Variants in SYNE1 observed in about 807,000 individuals in gnomAD.
SYNE1 encodes nesprin-1.
In SYNE1, 616 loss-of-function variants were observed where a neutral mutation model predicts 1,111.0. The ratio of observed to expected loss-of-function variants is 0.55; its 90% CI spans 0.52 to 0.59. SYNE1 has a LOEUF of 0.59. Among genes scored for constraint, SYNE1 ranks in the 20% least tolerant of loss-of-function variants. The pLI, the probability that SYNE1 is intolerant of heterozygous loss-of-function variation, is 0.00. For synonymous variants in SYNE1, 3,855 were observed against 3,825.8 expected (o/e 1.01, Z -0.28); for missense variants, 10,006 against 10,417.0 (o/e 0.96, Z 1.72).
intron 130 of SYNE1, among the ~76,000 whole-genome samples, chr6:152,172,287 T>C (rs73780617): frequency 0.029 from 4,449 of 152,284 alleles, 172 homozygotes; most frequent in African/African-American, 0.09. Context: ...TTTATAAATA[T>C]ACTAAAATCA....
chr6:152,398,629 T>C lies in SYNE1; in HGVS notation c.7340A>G (p.His2447Arg), dbSNP rs527670014. Residue 2447 changes from histidine to arginine, a missense_variant, in exon 49 of 146, where the codon CAT (histidine) becomes CGT (arginine). His to Arg is a conservative substitution (Grantham distance 29). Coordinates refer to ENST00000367255, the MANE Select transcript of SYNE1 (RefSeq NM_182961.4). ...GDSKVLEAKLHDLQNILDSVS... is the reference protein window; with the variant it reads ...GDSKVLEAKLRDLQNILDSVS... ...TGTCAGCTTCTATACCTGAAGATCA[T>C]GGAGCTTTGCTTCTAGAACTTTGCT... is the stretch of plus-strand genomic sequence containing the variant. 6 of 1,613,646 alleles carry C rather than the reference T, an allele frequency of 3.7e-6. No homozygotes were observed. The South Asian group carries it at 5.5e-5, about 15-fold the overall frequency.
At chr6:152,145,856 C>G in intron 137 of SYNE1, 1 of 368,370 alleles carries the variant, frequency 2.7e-6, no homozygotes, top group Non-Finnish European at 5.3e-6. Flanking sequence ...GGAACCCCAT[C>G]TCTACTAAAA....
chr6:152,253,822 T>G (rs920590269), intron 104 of SYNE1, among the ~76,000 whole-genome samples: 9 of 52,012 alleles, frequency 1.7e-4, no homozygotes, highest in African/African-American at 1.0e-3. Flanking sequence ...GGTTTGGTTT[T>G]TTTTTTTTTT....
rs950339450 is a variant in SYNE1 at position 152,316,723 on chromosome 6, T to G, written c.16710+126A>C. On this transcript the variant is annotated intron_variant, in intron 87 of 145. Coordinates refer to ENST00000367255, the MANE Select transcript of SYNE1 (RefSeq NM_182961.4). ...ACTACTGAACAACTTAGGGGTACCT[T>G]AGCATTCTTTTTATCTGGTAGCTCC... is the stretch of plus-strand genomic sequence containing the variant. The G allele has an allele frequency of 2.3e-5, 24 of 1,050,016 alleles. 1 individual carries two copies. The African/African-American group carries it at 3.2e-4, about 14-fold the overall frequency. The allele number at this position is 1,050,016 out of a possible 1,614,324, so 65.0% of individuals were successfully genotyped here.
chr6:152,409,768 G>A, intron 42 of SYNE1, 59 bp from the exon 43 acceptor site: 1 of 1,568,878 alleles, frequency 6.4e-7, no homozygotes, highest in Non-Finnish European at 8.7e-7. Context: ...AGGGAGAGTT[G>A]CCTGCAATTG....
At chr6:152,584,596 G>T (rs1372279505) in intron 3 of SYNE1, among the ~76,000 whole-genome samples, 1 of 151,866 alleles carries the variant, frequency 6.6e-6, no homozygotes, top group African/African-American at 2.4e-5. Flanking sequence ...TAGAGACGAG[G>T]TCTCGCTACA....
chr6:152,389,394 C>T (rs2097573804), intron 53 of SYNE1, among the ~76,000 whole-genome samples: 1 of 152,100 alleles, frequency 6.6e-6, no homozygotes, highest in Non-Finnish European at 1.5e-5. Context: ...TCTGTTATCC[C>T]CTTCTTTGTA....
In SYNE1 at chr6:152,507,199, T is replaced by G. The variant is rs984714557; in HGVS notation, c.582-1802A>C. 2.0e-5 allele frequency among the ~76,000 whole-genome samples: 3 copies of G among 152,200 alleles called. 1 individual carries two copies. The highest frequency in any genetic ancestry group is 4.4e-5 in the Non-Finnish European group (3 of 68,032). ...TCATTTTATTTTTCTTTGTCCACATTTCCTCATTTAAAAATGTTTTTTATC... is the reference window on the plus strand; with the variant it reads ...TCATTTTATTTTTCTTTGTCCACATGTCCTCATTTAAAAATGTTTTTTATC... On this transcript the variant is annotated intron_variant, in intron 8 of 145. Transcript: ENST00000367255.
At chr6:152,231,367 G>C in intron 114 of SYNE1, 24 bp downstream of exon 114, 1 of 1,613,558 alleles carries the variant, frequency 6.2e-7, no homozygotes, top group Non-Finnish European at 8.5e-7. Context: ...TGTAAATCTG[G>C]ACAGTGGGAA....
At chr6:152,617,682 G>A (rs2099661765) in intron 3 of SYNE1, among the ~76,000 whole-genome samples, 2 of 152,172 alleles carry the variant, frequency 1.3e-5, no homozygotes, top group Non-Finnish European at 2.9e-5. Flanking sequence ...TGGGGACAGA[G>A]CTTCTTGCAT....
chr6:152,138,126 T>C (rs2057493393), intron 140 of SYNE1, among the ~76,000 whole-genome samples: 1 of 152,158 alleles, frequency 6.6e-6, no homozygotes. Context: ...CTGAAATTCA[T>C]GGGGTAGTGT....
At chr6:152,241,351 C>T (rs768117391) in intron 107 of SYNE1, among the ~76,000 whole-genome samples, 9 of 142,484 alleles carry the variant, frequency 6.3e-5, no homozygotes, top group Non-Finnish European at 1.2e-4. Context: ...TTACAAGCCA[C>T]CAGAGAGCTA....
chr6:152,468,362 T>A (rs548095917), intron 16 of SYNE1, among the ~76,000 whole-genome samples: 52 of 152,316 alleles, frequency 3.4e-4, no homozygotes, highest in African/African-American at 1.2e-3. Context: ...GAGCTGTTTT[T>A]TTTTCTTTCA....
intron 32 of SYNE1, among the ~76,000 whole-genome samples, chr6:152,439,437 C>T (rs767960595): frequency 4.6e-5 from 7 of 152,062 alleles, no homozygotes; most frequent in Admixed American, 2.0e-4. Context: ...GCTATATTGA[C>T]CAGGCTGGTC....
intron 121 of SYNE1, among the ~76,000 whole-genome samples, chr6:152,216,117 G>C (rs1283222057): frequency 1.3e-5 from 2 of 152,168 alleles, no homozygotes; most frequent in African/African-American, 4.8e-5. Context: ...GGCTATGTGT[G>C]TGTCTTCTCT....
chr6:152,127,549 T>C (rs937118420), intron 145 of SYNE1: 2 of 152,194 alleles, frequency 1.3e-5, no homozygotes, highest in Non-Finnish European at 2.9e-5. Context: ...GATTTATTAA[T>C]AGTGCTTTCA....
chr6:152,179,877 G>A (rs1326108077), intron 129 of SYNE1, among the ~76,000 whole-genome samples: 1 of 151,624 alleles, frequency 6.6e-6, no homozygotes, highest in Admixed American at 6.6e-5. Flanking sequence ...TAGAGACAGG[G>A]TTTCACCATG....
chr6:152,425,396 T>C lies in SYNE1; in HGVS notation c.5252A>G (p.Gln1751Arg). Residue 1751 changes from glutamine to arginine, a missense_variant, in exon 39 of 146, where the codon CAG (glutamine) becomes CGG (arginine). By Grantham distance (43) the Gln-to-Arg change is conservative. This residue lies in a region of SYNE1 where 1,971 missense variants were observed against 2,084.1 expected (regional missense o/e 0.95). Transcript: ENST00000367255. Reference protein sequence around the residue: ...QLDERWRDLPQIINKRINFLQ... With the variant: ...QLDERWRDLPRIINKRINFLQ... ...TAGAACCAACCTTTTGTTAATGATC[T>C]GTGGTAAATCTCTCCATCTCTCATC... 6.2e-7 allele frequency: 1 copy of C among 1,614,160 alleles called. No homozygotes were observed. Among genetic ancestry groups the C allele is most frequent in the East Asian group, 2.2e-5 (1 of 44,878 alleles).
Position 152,407,025 on chromosome 6 carries a change from T to C in SYNE1, c.6712A>G (p.Lys2238Glu). ...CACAGTCAATTTACCTCAAATTCTTTAAGCAGTTCTTCAGCTCTGAGGTGG... is the reference window on the plus strand; with the variant it reads ...CACAGTCAATTTACCTCAAATTCTTCAAGCAGTTCTTCAGCTCTGAGGTGG... Reference protein sequence around the residue: ...DNHLRAEELLKEFESEVKNKA... With the variant: ...DNHLRAEELLEEFESEVKNKA... Residue 2238 changes from lysine (K) to glutamate (E), a missense_variant, in exon 45 of 146, where the codon AAA becomes GAA. By Grantham distance (56) the Lys-to-Glu change is moderately conservative (BLOSUM62 1). Coordinates refer to ENST00000367255, the MANE Select transcript of SYNE1 (RefSeq NM_182961.4). 6.2e-7 allele frequency: 1 copy of C among 1,614,024 alleles called. No homozygotes were observed. Among genetic ancestry groups the C allele is most frequent in the East Asian group, 2.2e-5 (1 of 44,866 alleles).
Sources: allele counts gnomAD v4.1 joint callset (sites outside exome capture counted in the v4.1 genomes callset), GRCh38; gene constraint gnomAD v4.1.1; regional missense constraint gnomAD v4.1.1; transcripts MANE v1.5; gene names NCBI Gene and HGNC (gene_info 2026-07-23, HGNC 2026-07-21).